The following EYS variants were observed in gnomAD, a reference collection of about 807,000 sequenced individuals.
The protein encoded by EYS is EGF-like photoreceptor maintenance factor.
EYS carries 250 observed loss-of-function variants against 282.1 expected under a neutral mutation model. That is an observed-to-expected ratio of 0.89 (90% confidence interval 0.80 to 0.98). The LOEUF is 0.98. Ranked by LOEUF, EYS falls within the 50% of genes least tolerant of loss-of-function variation. EYS has a pLI of 0.00. For synonymous variants in EYS, 1,355 were observed against 1,282.9 expected, an observed-to-expected ratio of 1.06 and a Z score of -1.20; for missense variants, 4,016 against 3,709.0, an observed-to-expected ratio of 1.08 and a Z score of -2.15.
chr6:65,555,837 T>G, intron 2 of EYS, among the ~76,000 whole-genome samples: 1 of 152,182 alleles, frequency 6.6e-6, no homozygotes, highest in East Asian at 1.9e-4. Context: ...AAATGCAGAT[T>G]TTCAAAAACA....
At chr6:64,440,023 A>G (rs1002830086) in intron 26 of EYS, among the ~76,000 whole-genome samples, 1 of 151,478 alleles carries the variant, frequency 6.6e-6, no homozygotes, top group Admixed American at 6.6e-5. Flanking sequence ...TACTGGATTG[A>G]TTGTTCTTGG....
At chr6:64,538,174 G>A (rs547944474) in intron 26 of EYS, among the ~76,000 whole-genome samples, 69 of 152,180 alleles carry the variant, frequency 4.5e-4, no homozygotes, top group Non-Finnish European at 7.6e-4. Flanking sequence ...ATGGTAATAC[G>A]GTCTAAGGGA....
chr6:65,347,206 T>A (rs1770431184), intron 9 of EYS, among the ~76,000 whole-genome samples: 1 of 151,788 alleles, frequency 6.6e-6, no homozygotes, highest in African/African-American at 2.4e-5. Flanking sequence ...GGAGAAAAAT[T>A]ATATACTTAC....
intron 22 of EYS, among the ~76,000 whole-genome samples, chr6:64,692,979 T>TTTTG (rs1347601752): frequency 3.2e-5 from 2 of 63,014 alleles, no homozygotes; most frequent in Admixed American, 1.7e-4. Flanking sequence ...TGCTTGGGCT[T>TTTTG]TTTTTTTTTT....
At chr6:65,583,695 T>A (rs1278994246) in intron 2 of EYS, among the ~76,000 whole-genome samples, 1 of 152,074 alleles carries the variant, frequency 6.6e-6, no homozygotes, top group African/African-American at 2.4e-5. Flanking sequence ...TGGTCTAAAG[T>A]GGCTCTCTGT....
At chr6:64,393,599 T>G (rs1435016152) in intron 28 of EYS, among the ~76,000 whole-genome samples, 1 of 152,014 alleles carries the variant, frequency 6.6e-6, no homozygotes, top group African/African-American at 2.4e-5. Flanking sequence ...TGCTAAAAAC[T>G]CTCAATAAAT....
intron 2 of EYS, among the ~76,000 whole-genome samples, chr6:65,540,259 G>A (rs1315427034): frequency 6.6e-6 from 1 of 152,036 alleles, no homozygotes; most frequent in Non-Finnish European, 1.5e-5. Context: ...TCTCTAACCT[G>A]CCCCACTATC....
chr6:64,939,218 C>T (rs1200399305), intron 15 of EYS, among the ~76,000 whole-genome samples: 1 of 151,702 alleles, frequency 6.6e-6, no homozygotes, highest in Non-Finnish European at 1.5e-5. Flanking sequence ...AGGAGAAGCA[C>T]ATTCAGAAAA....
intron 31 of EYS, among the ~76,000 whole-genome samples, chr6:64,137,996 T>A (rs970317051): frequency 1.3e-5 from 2 of 151,174 alleles, no homozygotes; most frequent in Admixed American, 1.3e-4. Flanking sequence ...ACTGCCAGAT[T>A]TTAATATTAA....
At chr6:64,431,201 C>A (rs932771910) in intron 28 of EYS, among the ~76,000 whole-genome samples, 1 of 152,102 alleles carries the variant, frequency 6.6e-6, no homozygotes, top group African/African-American at 2.4e-5. Context: ...CTGTTCTAGA[C>A]CTTTCTCTTT....
At chr6:65,332,487 T>C (rs904397493) in intron 11 of EYS, 8 of 1,179,860 alleles carry the variant, frequency 6.8e-6, no homozygotes, top group Non-Finnish European at 7.4e-6. Context: ...CTATGCATTA[T>C]ATTTCCATTT....
chr6:64,566,806 C>G (rs1380379650), intron 26 of EYS, among the ~76,000 whole-genome samples: 1 of 152,102 alleles, frequency 6.6e-6, no homozygotes, highest in Non-Finnish European at 1.5e-5. Context: ...CAGAGTCTCA[C>G]TCTATTGCCC....
intron 11 of EYS, among the ~76,000 whole-genome samples, chr6:65,315,498 G>A (rs895942411): frequency 1.3e-5 from 2 of 152,004 alleles, no homozygotes; most frequent in Non-Finnish European, 1.5e-5. Flanking sequence ...TAACACTGGA[G>A]TTCAGTTGTG....
chr6:64,515,837 T>C (rs1316631655), intron 26 of EYS, among the ~76,000 whole-genome samples: 4 of 151,772 alleles, frequency 2.6e-5, no homozygotes, highest in Non-Finnish European at 4.4e-5. Flanking sequence ...CTATGCTTTA[T>C]GGCAATACCC....
intron 7 of EYS, among the ~76,000 whole-genome samples, chr6:65,392,620 A>T (rs1201582269): frequency 6.6e-6 from 1 of 152,190 alleles, no homozygotes; most frequent in African/African-American, 2.4e-5. Flanking sequence ...AACCACAATG[A>T]GATACCATCT....
intron 31 of EYS, among the ~76,000 whole-genome samples, chr6:64,125,154 G>GCGCGCGCGCTCTCTCTCTCTCTCTCTC (rs1773724746): frequency 4.8e-5 from 7 of 145,324 alleles, no homozygotes; most frequent in African/African-American, 1.8e-4. Context: ...CACACTCTCT[G>GCGCGCGCGCTCTCTCTCTCTCTCTCTC]TCTCTCTCTC....
intron 31 of EYS, among the ~76,000 whole-genome samples, chr6:64,220,190 A>T (rs1421580792): frequency 6.6e-6 from 1 of 152,180 alleles, no homozygotes; most frequent in Non-Finnish European, 1.5e-5. Flanking sequence ...AAATTTTAAT[A>T]GAAATGTATA....
intron 1 of EYS, among the ~76,000 whole-genome samples, chr6:65,672,958 G>A (rs952445365): frequency 2.0e-5 from 3 of 152,010 alleles, no homozygotes; most frequent in Admixed American, 6.6e-5. Context: ...GGCAGCAGGG[G>A]CAGGGGTCAC....
intron 37 of EYS, among the ~76,000 whole-genome samples, chr6:63,789,546 G>C (rs1428614454): frequency 1.3e-5 from 2 of 152,160 alleles, no homozygotes; most frequent in Non-Finnish European, 2.9e-5. Context: ...ACAATAAGGA[G>C]AACTTCACAA....
Sources: allele counts gnomAD v4.1 joint callset (sites outside exome capture counted in the v4.1 genomes callset), GRCh38; gene constraint gnomAD v4.1.1; transcripts MANE v1.5; gene names NCBI Gene and HGNC (gene_info 2026-07-23, HGNC 2026-07-21).